The following ITGA4 variants were observed in gnomAD, a reference collection of about 807,000 sequenced individuals.
ITGA4 encodes the protein integrin subunit alpha 4, also known as integrin alpha-4.
A neutral mutation model predicts 133.6 loss-of-function variants in ITGA4; 63 were observed. The observed-to-expected ratio is 0.47, with a 90% CI of 0.38 to 0.58. The LOEUF (loss-of-function observed/expected upper bound fraction) is 0.58, where lower values mean the gene tolerates loss of function less well. Ranked by LOEUF, ITGA4 falls within the 20% of genes least tolerant of loss-of-function variation. The pLI is 0.00. For missense variants in ITGA4, 1,076 were observed against 1,252.7 expected, an observed-to-expected ratio of 0.86 and a Z score of 2.13; for synonymous variants, 483 against 438.0, an observed-to-expected ratio of 1.10 and a Z score of -1.28.
intron 9 of ITGA4, among the ~76,000 whole-genome samples, chr2:181,485,007 G>C (rs1311359290): frequency 6.6e-6 from 1 of 152,058 alleles, no homozygotes; most frequent in Non-Finnish European, 1.5e-5. Context: ...GAAGAGAACT[G>C]GTAGCTGTTA....
intron 10 of ITGA4, among the ~76,000 whole-genome samples, chr2:181,487,129 G>T (rs1488242524): frequency 6.6e-6 from 1 of 152,034 alleles, no homozygotes; most frequent in Non-Finnish European, 1.5e-5. Flanking sequence ...GAAAAAAATA[G>T]GTGTATATAC....
At position 181,537,467 on chromosome 2, in the gene ITGA4, A is replaced by G. The variant is rs1261578089; in HGVS notation, c.*1940A>G. 4.4e-6 allele frequency: 2 copies of G among 450,264 alleles called. No individual in the cohort carries two copies. The highest frequency in any genetic ancestry group is 1.6e-5 in the South Asian group (1 of 64,070). The allele number at this position is 450,264 out of a possible 1,614,324, so 27.9% of individuals were successfully genotyped here. Reference sequence around the variant, plus strand: ...ATGAATTTTAAAACCCTACCACTTTAAGAAGACAGGGATGGGTTATTCTTT... The same window carrying G: ...ATGAATTTTAAAACCCTACCACTTTGAGAAGACAGGGATGGGTTATTCTTT... On this transcript the variant is annotated 3_prime_UTR_variant, in exon 28 of 28. Transcript: ENST00000397033.
intron 4 of ITGA4, among the ~76,000 whole-genome samples, chr2:181,476,428 A>G (rs1421032656): frequency 6.6e-6 from 1 of 152,224 alleles, no homozygotes; most frequent in Non-Finnish European, 1.5e-5. Context: ...AGAAATGGTC[A>G]TTATAAATGA....
At position 181,495,915 on chromosome 2, in the gene ITGA4, C is replaced by T. The variant is rs200212723; in HGVS notation, c.1518C>T (p.Gly506=). ...TAACACTTTGTTTCTCATATAAGGG[C>T]AAGGAAGTTCCAGGTTACATTGGTG... ...IDLTLCFSYK[G]KEVPGYIVLF... The change falls in exon 14 of 28, where the codon GGC becomes GGT. Residue 506 remains glycine (G), a synonymous_variant. Transcript: ENST00000397033. This position sits in a 1 kb window ranked among gnomAD's most constrained non-coding sequence, Gnocchi z 4.3. The T allele has an allele frequency of 1.9e-6, 3 of 1,613,816 alleles. No individual in the cohort carries two copies. The highest frequency in any genetic ancestry group is 2.5e-6 in the Non-Finnish European group (3 of 1,179,840).
Position 181,529,490 on chromosome 2 carries a change from T to TA in ITGA4, c.2431-50dup, listed in dbSNP as rs764260760. 31 of 897,378 alleles carry TA rather than the reference T, an allele frequency of 3.5e-5. No homozygotes were observed. In the Middle Eastern group the frequency reaches 2.0e-3, roughly 58 times the overall value. 55.6% of individuals were successfully genotyped at this position (897,378 alleles called of 1,614,324 possible). ...CTAAAAGCTCACTGATATCTGTACT[T>TA]ACATTTATAGAAAACATTTAATTTG... is the stretch of plus-strand genomic sequence containing the variant. On this transcript the variant is annotated intron_variant, in intron 22 of 27. Transcript: ENST00000397033.
chr2:181,519,133 G>T (rs1002534752), intron 17 of ITGA4, among the ~76,000 whole-genome samples: 4 of 152,010 alleles, frequency 2.6e-5, no homozygotes, highest in African/African-American at 9.7e-5. Flanking sequence ...ATACACCAAT[G>T]ATAAGAAACA....
rs1226793718 is a variant in ITGA4, at chr2:181,537,456, C to G, written c.*1929C>G. Reference sequence around the variant, plus strand: ...TTACTTGTATCATGAATTTTAAAACCCTACCACTTTAAGAAGACAGGGATG... The same window carrying G: ...TTACTTGTATCATGAATTTTAAAACGCTACCACTTTAAGAAGACAGGGATG... On this transcript the variant is annotated 3_prime_UTR_variant, in exon 28 of 28. Transcript: ENST00000397033. 2.2e-6 allele frequency: 1 copy of G among 448,616 alleles called. No individual in the cohort carries two copies. The highest frequency in any genetic ancestry group is 2.4e-5 in the Admixed American group (1 of 42,290). The allele number at this position is 448,616 out of a possible 1,614,324, so 27.8% of individuals were successfully genotyped here.
chr2:181,513,514 C>T (rs1686546440), intron 17 of ITGA4, among the ~76,000 whole-genome samples: 1 of 152,108 alleles, frequency 6.6e-6, no homozygotes, highest in Non-Finnish European at 1.5e-5. Context: ...ATCTCTACCA[C>T]TATTACTCCA....
chr2:181,488,840 G>A (rs940930966), intron 10 of ITGA4, among the ~76,000 whole-genome samples: 1 of 152,186 alleles, frequency 6.6e-6, no homozygotes, highest in African/African-American at 2.4e-5. Flanking sequence ...TTACAGGCAT[G>A]AGCCACTGCA....
chr2:181,496,533 TC>T (rs1326280455), intron 14 of ITGA4, among the ~76,000 whole-genome samples: 1 of 152,178 alleles, frequency 6.6e-6, no homozygotes, highest in Admixed American at 6.5e-5. Context: ...GACTACAAGC[TC>T]CTAAGAACCG....
intron 22 of ITGA4, 152 bp downstream of exon 22, chr2:181,527,539 C>G: frequency 1.8e-6 from 1 of 564,742 alleles, no homozygotes; most frequent in South Asian, 2.0e-5. Flanking sequence ...ACTCCTGCCT[C>G]TCAGACCCCT....
chr2:181,525,465 C>T (rs1041311093), intron 21 of ITGA4, among the ~76,000 whole-genome samples, 174 bp downstream of exon 21: 1 of 152,066 alleles, frequency 6.6e-6, no homozygotes, highest in African/African-American at 2.4e-5. Flanking sequence ...TTATAATAAT[C>T]CACTCTATAA....
At position 181,527,343 on chromosome 2, in the gene ITGA4, G is replaced by T; in HGVS notation, c.2386G>T (p.Glu796Ter). ...TGTGTATGGATCAAATGATGAAAAT[G>T]AGCCTGAAACGTGCATGGTGGAGAA... is the stretch of plus-strand genomic sequence containing the variant. ...SFVYGSNDEN[E>*]PETCMVEKMN... The change falls in exon 22 of 28, where the codon GAG becomes TAG. Residue 796 changes from glutamate to a stop codon, truncating the protein, a stop_gained. Coordinates refer to ENST00000397033, the MANE Select transcript of ITGA4 (RefSeq NM_000885.6). LOFTEE classifies it high-confidence loss of function. The T allele has an allele frequency of 6.2e-7, 1 of 1,613,262 alleles. No homozygotes were observed. Among genetic ancestry groups the T allele is most frequent in the Non-Finnish European group, 8.5e-7 (1 of 1,179,312 alleles).
rs866941620 is a variant in ITGA4, at chr2:181,537,976, G to T, written c.*2449G>T. 1 of 661,434 alleles carries T rather than the reference G, an allele frequency of 1.5e-6. No individual in the cohort carries two copies. Among genetic ancestry groups the T allele is most frequent in the African/African-American group, 1.8e-5 (1 of 55,954 alleles). 41.0% of individuals were successfully genotyped at this position (661,434 alleles called of 1,614,324 possible). On this transcript the variant is annotated 3_prime_UTR_variant, in exon 28 of 28. Transcript: ENST00000397033. ...CCATATGGTGAACTGGTATGTGAGGGATCTAGAGTGCCATGTTCCTCAAGA... is the reference window on the plus strand; with the variant it reads ...CCATATGGTGAACTGGTATGTGAGGTATCTAGAGTGCCATGTTCCTCAAGA...
Position 181,537,219 on chromosome 2 carries a change from TTC to T in ITGA4, c.*1695_*1696del. 1 of 452,990 alleles carries T rather than the reference TTC, an allele frequency of 2.2e-6. No individual in the cohort carries two copies. Among genetic ancestry groups the T allele is most frequent in the African/African-American group, 2.0e-5 (1 of 50,046 alleles). 28.1% of individuals were successfully genotyped at this position (452,990 alleles called of 1,614,324 possible). On this transcript the variant is annotated 3_prime_UTR_variant, in exon 28 of 28. Transcript: ENST00000397033. ...AATCAAGCCCCGATTTAGAACTGTC[TTC>T]TCCAGGATGGTCTCTAAGGAAATTT...
intron 19 of ITGA4, among the ~76,000 whole-genome samples, 169 bp from the exon 20 acceptor site, chr2:181,524,002 A>C (rs1334503392): frequency 1.3e-5 from 2 of 152,214 alleles, no homozygotes; most frequent in Admixed American, 1.3e-4. Flanking sequence ...AAATAGCCAC[A>C]AACCCAACAA....
At chr2:181,528,496 TGTCTA>T (rs765716132) in intron 22 of ITGA4, among the ~76,000 whole-genome samples, 24 of 152,366 alleles carry the variant, frequency 1.6e-4, no homozygotes, top group Non-Finnish European at 3.1e-4. Flanking sequence ...AGGATTTCTG[TGTCTA>T]GTCAACTATG....
At chr2:181,480,982 A>T (rs1157225537) in intron 6 of ITGA4, among the ~76,000 whole-genome samples, 1 of 152,190 alleles carries the variant, frequency 6.6e-6, no homozygotes, top group Non-Finnish European at 1.5e-5. Flanking sequence ...TTTAAACTGT[A>T]TGTGTGTCAA....
chr2:181,509,691 A>C lies in ITGA4; in HGVS notation c.1729A>C (p.Ile577Leu), dbSNP rs1686466583. ...GCGGGACATCCTCACCCCAATTCAG[A>C]TTGAAGCTGCTTACCACCTTGGTCC... ...DVRDILTPIQ[I>L]EAAYHLGPHV... The change falls in exon 16 of 28, where the codon ATT becomes CTT. Residue 577 changes from isoleucine (I) to leucine (L), a missense_variant. Coordinates refer to ENST00000397033, the MANE Select transcript of ITGA4 (RefSeq NM_000885.6). The C allele has an allele frequency of 6.2e-7, 1 of 1,609,528 alleles. No homozygotes were observed. Among genetic ancestry groups the C allele is most frequent in the African/African-American group, 1.3e-5 (1 of 74,694 alleles).
Sources: gnomAD v4.1 joint callset for allele counts (sites outside exome capture counted in the v4.1 genomes callset) on GRCh38, gnomAD v4.1.1 for gene constraint, Gnocchi (gnomAD v3.1) non-coding constraint, MANE v1.5 for transcripts, NCBI Gene and HGNC (gene_info 2026-07-23, HGNC 2026-07-21) for gene names.